Variants in RBL2 observed in about 807,000 individuals in gnomAD.
RBL2 encodes the protein RB transcriptional corepressor like 2, also known as retinoblastoma-like protein 2.
RBL2 carries 56 observed loss-of-function variants against 126.0 expected under a neutral mutation model. The observed-to-expected ratio is 0.44, with a 90% CI of 0.36 to 0.56. The LOEUF (loss-of-function observed/expected upper bound fraction) is 0.56, where lower values mean the gene tolerates loss of function less well. RBL2 is among the 20% of genes least tolerant of loss of function. The pLI is 0.00. For missense variants in RBL2, 1,229 were observed against 1,398.2 expected (o/e 0.88, Z 1.93); for synonymous variants, 454 against 478.5 (o/e 0.95, Z 0.67).
intron 2 of RBL2, among the ~76,000 whole-genome samples, chr16:53,442,217 TAGG>T (rs2058023609): frequency 6.6e-6 from 1 of 152,018 alleles, no homozygotes; most frequent in South Asian, 2.1e-4. Context: ...GAAGCCAAAG[TAGG>T]AGGATCACTC....
chr16:53,440,963 T>TTC (rs1430172027), intron 2 of RBL2, among the ~76,000 whole-genome samples: 2 of 136,394 alleles, frequency 1.5e-5, no homozygotes, highest in Non-Finnish European at 3.2e-5. Flanking sequence ...CTTTTTTTTT[T>TTC]TTTTTTTTTT....
chr16:53,458,865 A>G (rs985923323), intron 8 of RBL2, among the ~76,000 whole-genome samples: 1 of 152,168 alleles, frequency 6.6e-6, no homozygotes, highest in Non-Finnish European at 1.5e-5. Flanking sequence ...TAATTCAATT[A>G]CCTCCCACTG....
At chr16:53,485,849 A>G (rs1322342543) in intron 21 of RBL2, among the ~76,000 whole-genome samples, 2 of 149,610 alleles carry the variant, frequency 1.3e-5, no homozygotes. Context: ...GAATGAGACC[A>G]TCTAAAAAAA....
At position 53,480,734 on chromosome 16, in the gene RBL2, A is replaced by AT; in HGVS notation, c.3051dup (p.Lys1018Ter). The AT allele has an allele frequency of 6.2e-7, 1 of 1,613,222 alleles. No individual in the cohort carries two copies. Among genetic ancestry groups the AT allele is most frequent in the Non-Finnish European group, 8.5e-7 (1 of 1,179,942 alleles). On this transcript the variant is annotated frameshift_variant, in exon 20 of 22. Transcript: ENST00000262133. LOFTEE classifies it high-confidence loss of function. ...CTACAACAACATCTACATCAAACAG[A>AT]TTAAGACATTTGCCATGAAGTACTC...
chr16:53,459,629 C>T lies in RBL2; in HGVS notation c.1346+12C>T. ...GAACAGATTCTCAGGTTAGTTTGAGCCCTGTCTGCTTTCTAAGATTTGGTT... is the reference window on the plus strand; with the variant it reads ...GAACAGATTCTCAGGTTAGTTTGAGTCCTGTCTGCTTTCTAAGATTTGGTT... On this transcript the variant is annotated intron_variant, in intron 9 of 21. Transcript: ENST00000262133. 1 of 1,520,452 alleles carries T rather than the reference C, an allele frequency of 6.6e-7. No homozygotes were observed. The highest frequency in any genetic ancestry group is 8.8e-7 in the Non-Finnish European group (1 of 1,135,842). 94.2% of individuals were successfully genotyped at this position (1,520,452 alleles called of 1,614,324 possible).
At chr16:53,435,743 A>T (rs1268039280) in intron 1 of RBL2, 9 of 1,287,278 alleles carry the variant, frequency 7.0e-6, no homozygotes, top group African/African-American at 1.5e-5. Context: ...AGCCTAACCA[A>T]GGTATTATTT....
chr16:53,435,929 A>G (rs904859928), intron 1 of RBL2, among the ~76,000 whole-genome samples: 5 of 152,206 alleles, frequency 3.3e-5, no homozygotes, highest in African/African-American at 9.7e-5. Context: ...AAAGTTCAGT[A>G]TGGTGATCTC....
intron 1 of RBL2, among the ~76,000 whole-genome samples, 173 bp from the exon 2 acceptor site, chr16:53,438,843 C>CAAA (rs11302382): frequency 2.9e-4 from 9 of 30,534 alleles, no homozygotes; most frequent in Admixed American, 6.3e-4. Context: ...GATTCCATCT[C>CAAA]AAAAAAAAAA....
intron 12 of RBL2, 195 bp downstream of exon 12, chr16:53,464,558 T>C (rs914517977): frequency 9.0e-5 from 40 of 443,662 alleles, no homozygotes; most frequent in Non-Finnish European, 1.3e-4. Context: ...ATGAAAGATC[T>C]ATTTTGGGTA....
intron 21 of RBL2, among the ~76,000 whole-genome samples, chr16:53,483,924 A>G (rs960207153): frequency 1.7e-4 from 14 of 81,622 alleles, no homozygotes; most frequent in Non-Finnish European, 3.8e-4. Flanking sequence ...TTCCTATCAT[A>G]GTAAAAAAAA....
chr16:53,435,922 G>T (rs2057954372), intron 1 of RBL2, among the ~76,000 whole-genome samples: 1 of 152,142 alleles, frequency 6.6e-6, no homozygotes, highest in Non-Finnish European at 1.5e-5. Flanking sequence ...CGCTGGAAAA[G>T]TTCAGTATGG....
intron 20 of RBL2, 199 bp from the exon 21 acceptor site, chr16:53,481,472 T>C (rs1960943132): frequency 5.8e-6 from 3 of 517,056 alleles, no homozygotes; most frequent in Non-Finnish European, 9.9e-6. Context: ...TAAAAATTGC[T>C]TAAAATAATA....
intron 2 of RBL2, among the ~76,000 whole-genome samples, chr16:53,439,418 A>G (rs2057992660): frequency 6.6e-6 from 1 of 152,204 alleles, no homozygotes; most frequent in Non-Finnish European, 1.5e-5. Context: ...GACATTGTGT[A>G]ATATTGGGAG....
rs751671921 is a variant in RBL2, at chr16:53,481,700, A to G, written c.3114A>G (p.Pro1038=). The G allele has an allele frequency of 3.1e-6, 5 of 1,612,002 alleles. No homozygotes were observed. Among genetic ancestry groups the G allele is most frequent in the Non-Finnish European group, 4.2e-6 (5 of 1,178,926 alleles). The change falls in exon 21 of 22, where the codon CCA becomes CCG. Residue 1038 remains proline (P), a synonymous_variant. Transcript: ENST00000262133. ...NMDAPPLSPY[P]FVRTGSPRRI... is the part of the protein sequence containing the mutation. ...ATGCTCCTCCACTCTCTCCCTATCC[A>G]TTTGTAAGAACAGGCTCCCCTCGCC...
intron 15 of RBL2, 34 bp from the exon 16 acceptor site, chr16:53,470,347 CAA>C: frequency 6.2e-7 from 1 of 1,600,200 alleles, no homozygotes; most frequent in Non-Finnish European, 8.5e-7. Context: ...CTCTTATTAT[CAA>C]CATTTTCTTC....
intron 17 of RBL2, among the ~76,000 whole-genome samples, chr16:53,474,170 T>G (rs1357089275): frequency 6.6e-6 from 1 of 152,046 alleles, no homozygotes; most frequent in African/African-American, 2.4e-5. Flanking sequence ...TTTTTTAAAT[T>G]TTTTGTAGAC....
chr16:53,444,710 T>G (rs563761591), intron 3 of RBL2, among the ~76,000 whole-genome samples: 1 of 151,972 alleles, frequency 6.6e-6, no homozygotes, highest in African/African-American at 2.4e-5. Flanking sequence ...TAGGCAGGTA[T>G]GGTGGTGTGT....
intron 1 of RBL2, among the ~76,000 whole-genome samples, chr16:53,436,083 G>A (rs2057955855): frequency 6.6e-6 from 1 of 152,220 alleles, no homozygotes; most frequent in African/African-American, 2.4e-5. Flanking sequence ...TGATCTGGCT[G>A]AGTAAGCTAT....
chr16:53,487,526 C>T (rs1323991057), intron 21 of RBL2: 2 of 152,120 alleles, frequency 1.3e-5, no homozygotes, highest in African/African-American at 2.4e-5. Flanking sequence ...ATACCCTGCA[C>T]TATATACAAA....
Sources: allele counts gnomAD v4.1 joint callset (sites outside exome capture counted in the v4.1 genomes callset), GRCh38; gene constraint gnomAD v4.1.1; transcripts MANE v1.5; gene names NCBI Gene and HGNC (gene_info 2026-07-23, HGNC 2026-07-21).